The following JADE3 variants were observed in gnomAD, a reference collection of about 807,000 sequenced individuals.
The protein encoded by JADE3 is protein Jade-3.
JADE3 carries 2 observed loss-of-function variants against 50.1 expected under a neutral mutation model. That is an observed-to-expected ratio of 0.04 (90% CI 0.02 to 0.13). The LOEUF (loss-of-function observed/expected upper bound fraction) is 0.13, where lower values mean the gene tolerates loss of function less well. JADE3 is among the 10% of genes least tolerant of loss of function. The pLI is 1.00. For synonymous variants in JADE3, 218 were observed against 232.9 expected, an observed-to-expected ratio of 0.94 and a Z score of 0.58; for missense variants, 475 against 634.4, an observed-to-expected ratio of 0.75 and a Z score of 2.70.
intron 4 of JADE3, among the ~76,000 whole-genome samples, chrX:47,004,591 G>A (rs1266264632): frequency 1.8e-5 from 2 of 111,568 alleles, no homozygotes; most frequent in East Asian, 5.6e-4. Context: ...CGCCATATGC[G>A]GCTAATTTTT....
rs1929325178 is a variant in JADE3 at position 47,044,118 on chromosome X, A to G, written c.972+5053A>G. Among the ~76,000 whole-genome samples, 3 of 111,819 alleles carry G rather than the reference A, an allele frequency of 2.7e-5. No homozygotes were observed. The South Asian group carries it at 1.1e-3, about 41-fold the overall frequency. On this transcript the variant is annotated intron_variant, in intron 8 of 10. Coordinates refer to ENST00000614628, the MANE Select transcript of JADE3 (RefSeq NM_014735.5). ...CAGAGTAGAAAGTTTATTCAAAGGG[A>G]TAATAACAGAGAACTTCCCAAATGT...
At chrX:46,937,286 A>G (rs1288766984) in intron 1 of JADE3, among the ~76,000 whole-genome samples, 1 of 111,402 alleles carries the variant, frequency 9.0e-6, no homozygotes, top group Admixed American at 9.6e-5. Context: ...TGGTCAGGGA[A>G]CATGCTCTTT....
intron 1 of JADE3, among the ~76,000 whole-genome samples, chrX:46,966,128 G>GGAAC (rs2147122480): frequency 8.9e-6 from 1 of 112,118 alleles, no homozygotes; most frequent in East Asian, 2.8e-4. Context: ...TTGATTGGAT[G>GGAAC]TTCCAGGGTA....
intron 1 of JADE3, among the ~76,000 whole-genome samples, chrX:46,948,027 G>C (rs1388832141): frequency 9.0e-6 from 1 of 111,576 alleles, no homozygotes; most frequent in African/African-American, 3.3e-5. Flanking sequence ...TACCACAACT[G>C]TATCAGGCCT....
chrX:46,926,947 T>TAG (rs1926383676), intron 1 of JADE3, among the ~76,000 whole-genome samples: 1 of 112,271 alleles, frequency 8.9e-6, no homozygotes, highest in Non-Finnish European at 1.9e-5. Context: ...GTTGATTGAG[T>TAG]AGAGCCGCTA....
intron 1 of JADE3, among the ~76,000 whole-genome samples, chrX:46,923,391 CTCTTTTT>C (rs1926272907): frequency 4.9e-5 from 1 of 20,277 alleles, no homozygotes; most frequent in African/African-American, 9.7e-5. Flanking sequence ...CTCTCTCTCT[CTCTTTTT>C]TTTTTTTTTT....
At chrX:47,028,500 A>T (rs1274825194) in intron 6 of JADE3, among the ~76,000 whole-genome samples, 1 of 109,466 alleles carries the variant, frequency 9.1e-6, no homozygotes, top group Non-Finnish European at 1.9e-5. Flanking sequence ...ACTTCCTACA[A>T]ATAGAAGTCC....
intron 6 of JADE3, among the ~76,000 whole-genome samples, chrX:47,029,730 T>C (rs1343673919): frequency 3.6e-5 from 4 of 112,015 alleles, no homozygotes; most frequent in Non-Finnish European, 7.5e-5. Flanking sequence ...ATTTTGAAAA[T>C]TTGTCTTCAC....
chrX:46,975,596 A>T (rs1927597641), intron 1 of JADE3, among the ~76,000 whole-genome samples: 1 of 110,040 alleles, frequency 9.1e-6, no homozygotes, highest in Non-Finnish European at 1.9e-5. Flanking sequence ...AATGTACCTT[A>T]ATTATTCCTC....
chrX:47,000,442 G>A lies in JADE3; in HGVS notation c.284+2165G>A, dbSNP rs981945632. On this transcript the variant is annotated intron_variant, in intron 4 of 10. Transcript: ENST00000614628. ...ATTGGAGGTGATTTTAATCTTTTAG[G>A]TTGAGTGGAAAATGTCCCCTGTACC... is the stretch of plus-strand genomic sequence containing the variant. 1.3e-4 allele frequency among the ~76,000 whole-genome samples: 15 copies of A among 111,645 alleles called. No individual in the cohort carries two copies. The East Asian group carries it at 1.9e-3, about 15-fold the overall frequency.
intron 1 of JADE3, among the ~76,000 whole-genome samples, chrX:46,956,505 G>A (rs1556346346): frequency 8.9e-6 from 1 of 112,406 alleles, no homozygotes; most frequent in Non-Finnish European, 1.9e-5. Flanking sequence ...TTAAGATTTT[G>A]TAATATCTTT....
intron 7 of JADE3, among the ~76,000 whole-genome samples, chrX:47,035,070 T>C (rs1346861834): frequency 1.8e-5 from 2 of 110,732 alleles, no homozygotes; most frequent in Non-Finnish European, 3.8e-5. Flanking sequence ...TTAATTAAAA[T>C]GGGGCTTGAA....
In JADE3 at chrX:47,059,032, TA is replaced by T. The variant is rs1929703524; in HGVS notation, c.2431del (p.Ser811AlafsTer15). 1 of 1,204,556 alleles carries T rather than the reference TA, an allele frequency of 8.3e-7. No individual in the cohort carries two copies. The highest frequency in any genetic ancestry group is 1.1e-6 in the Non-Finnish European group (1 of 893,964). On this transcript the variant is annotated frameshift_variant, in exon 11 of 11. Transcript: ENST00000614628. LOFTEE classifies it high-confidence loss of function. ...PHDSRRDCHG[K>X]SKTHPLSHSS... ...ATGACTCTAGACGGGATTGCCATGG[TA>T]AAAGCAAGACACATCCCCTTTCCCA...
At chrX:47,047,305 G>A (rs782451142) in intron 8 of JADE3, among the ~76,000 whole-genome samples, 25 of 111,866 alleles carry the variant, frequency 2.2e-4, no homozygotes, top group African/African-American at 7.5e-4. Context: ...CCAGCACTTC[G>A]GGAGGCCAAG....
chrX:46,990,292 A>G (rs782763332), intron 3 of JADE3, among the ~76,000 whole-genome samples: 15 of 111,427 alleles, frequency 1.3e-4, no homozygotes, highest in Middle Eastern at 4.6e-3. Flanking sequence ...ACTGAGTCTT[A>G]TTTAAATCTT....
At chrX:47,025,030 T>C (rs1928879226) in intron 5 of JADE3, 116 bp downstream of exon 5, 2 of 417,081 alleles carry the variant, frequency 4.8e-6, no homozygotes, top group Non-Finnish European at 8.2e-6. Flanking sequence ...GGCCTTTTCA[T>C]TTATTTTTCT....
rs186846400 is a variant in JADE3 at position 46,927,046 on chromosome X, A to T, written c.-12+14327A>T. On this transcript the variant is annotated intron_variant, in intron 1 of 10. Transcript: ENST00000614628. ...GGAGTATGATGGCTAGAATTGTACT[A>T]CCATTCATGGTAAAACTAGTTAGCT... is the stretch of plus-strand genomic sequence containing the variant. Among the ~76,000 whole-genome samples, 6 of 112,351 alleles carry T rather than the reference A, an allele frequency of 5.3e-5. No individual in the cohort carries two copies. In the East Asian group the frequency reaches 1.7e-3, roughly 31 times the overall value.
At chrX:47,025,898 C>G (rs188305868) in intron 5 of JADE3, among the ~76,000 whole-genome samples, 4 of 111,531 alleles carry the variant, frequency 3.6e-5, no homozygotes, top group African/African-American at 1.3e-4. Context: ...TCCTTTCTTT[C>G]TTTTGAGGCT....
intron 1 of JADE3, among the ~76,000 whole-genome samples, chrX:46,979,566 T>TA (rs1248378656): frequency 8.9e-6 from 1 of 112,106 alleles, no homozygotes; most frequent in African/African-American, 3.2e-5. Context: ...TTCTCTGGGA[T>TA]AAATGCCCAG....
Sources: gnomAD v4.1 joint callset for allele counts (sites outside exome capture counted in the v4.1 genomes callset) on GRCh38, gnomAD v4.1.1 for gene constraint, MANE v1.5 for transcripts, NCBI Gene and HGNC (gene_info 2026-07-23, HGNC 2026-07-21) for gene names.